ANKRD28: variants seen among roughly 807,000 people sequenced by gnomAD.
ANKRD28 encodes ankyrin repeat domain 28.
ANKRD28 carries 44 observed loss-of-function variants against 126.5 expected under a neutral mutation model. That is an observed-to-expected ratio of 0.35 (90% CI 0.27 to 0.45). The LOEUF (loss-of-function observed/expected upper bound fraction) is 0.45, where lower values mean the gene tolerates loss of function less well. Among genes scored for constraint, ANKRD28 ranks in the 20% least tolerant of loss-of-function variants. The pLI is 1.00. For synonymous variants in ANKRD28, 442 were observed against 468.5 expected (o/e 0.94, Z 0.73); for missense variants, 1,110 against 1,316.6 (o/e 0.84, Z 2.43).
intron 4 of ANKRD28, among the ~76,000 whole-genome samples, chr3:15,745,894 T>C (rs1009515213): frequency 1.3e-5 from 2 of 152,174 alleles, no homozygotes; most frequent in African/African-American, 4.8e-5. Context: ...AGCCCTGTTT[T>C]GTAGTTTTCC....
chr3:15,678,741 C>G (rs1378209091), intron 23 of ANKRD28, among the ~76,000 whole-genome samples: 1 of 152,024 alleles, frequency 6.6e-6, no homozygotes, highest in Non-Finnish European at 1.5e-5. Context: ...TAACAATAAT[C>G]TTTGGGAAAC....
chr3:15,760,380 G>A (rs2058391565), intron 3 of ANKRD28, among the ~76,000 whole-genome samples: 1 of 152,184 alleles, frequency 6.6e-6, no homozygotes, highest in South Asian at 2.1e-4. Flanking sequence ...ACCTGTGCAT[G>A]TACTCCTGAA....
chr3:15,782,619 T>C lies in ANKRD28; in HGVS notation c.201+12604A>G, dbSNP rs118094668. 4.2e-3 allele frequency among the ~76,000 whole-genome samples: 640 copies of C among 152,180 alleles called. 3 individuals are homozygous for C. Among genetic ancestry groups the C allele is most frequent in the East Asian group, 0.025 (130 of 5,182 alleles). ...TTAGAGGTTACACACATACTGAGTG[T>C]TCAGGGAAAAATGCCATACTCACTA... On this transcript the variant is annotated intron_variant, in intron 2 of 27. Coordinates refer to ENST00000683139, the MANE Select transcript of ANKRD28 (RefSeq NM_001349278.2).
chr3:15,792,320 G>A (rs1168394643), intron 2 of ANKRD28, among the ~76,000 whole-genome samples: 2 of 152,150 alleles, frequency 1.3e-5, no homozygotes, highest in Non-Finnish European at 2.9e-5. Context: ...GGCAACCTAA[G>A]TGTCCATCAA....
chr3:15,804,401 C>T (rs1379382521), intron 1 of ANKRD28, among the ~76,000 whole-genome samples: 2 of 145,496 alleles, frequency 1.4e-5, no homozygotes, highest in African/African-American at 2.6e-5. Flanking sequence ...TCTCCATAAA[C>T]CTCATTATTT....
chr3:15,697,324 A>G (rs2069758586), intron 14 of ANKRD28: 1 of 152,692 alleles, frequency 6.5e-6, no homozygotes, highest in Non-Finnish European at 1.5e-5. Context: ...TCTTTTATCC[A>G]TCATATTTTA....
chr3:15,763,946 G>A (rs2058619106), intron 3 of ANKRD28, among the ~76,000 whole-genome samples: 1 of 152,016 alleles, frequency 6.6e-6, no homozygotes, highest in Admixed American at 6.6e-5. Flanking sequence ...CTTTTTGGCT[G>A]GGCACAGTGC....
chr3:15,751,609 C>T, intron 4 of ANKRD28, 141 bp downstream of exon 4: 1 of 646,862 alleles, frequency 1.5e-6, no homozygotes, highest in Non-Finnish European at 2.7e-6. Flanking sequence ...TTGGTTTGTA[C>T]AAATTCTAAA....
At chr3:15,750,636 A>G (rs1443013400) in intron 4 of ANKRD28, among the ~76,000 whole-genome samples, 1 of 152,164 alleles carries the variant, frequency 6.6e-6, no homozygotes. Context: ...CTTCTCAGTC[A>G]CATTTCACCT....
At chr3:15,824,476 T>C (rs2061016287) in intron 1 of ANKRD28, among the ~76,000 whole-genome samples, 1 of 152,138 alleles carries the variant, frequency 6.6e-6, no homozygotes, top group African/African-American at 2.4e-5. Flanking sequence ...AAAAACAAAC[T>C]ATCAGAGCTA....
chr3:15,850,258 G>GAGAGAGAA (rs1384999941), intron 1 of ANKRD28, among the ~76,000 whole-genome samples: 1,424 of 126,802 alleles, frequency 0.011, 32 homozygotes, highest in East Asian at 0.057. Context: ...GAGAGAGAGA[G>GAGAGAGAA]AGAGAAAGTT....
chr3:15,758,741 T>C (rs1451120567), intron 3 of ANKRD28, among the ~76,000 whole-genome samples: 5 of 152,180 alleles, frequency 3.3e-5, no homozygotes, highest in South Asian at 4.1e-4. Flanking sequence ...TAAATTTCTA[T>C]TGTTTAAGCC....
intron 1 of ANKRD28, among the ~76,000 whole-genome samples, chr3:15,819,147 G>A (rs754327212): frequency 4.6e-5 from 7 of 152,016 alleles, no homozygotes; most frequent in Admixed American, 2.6e-4. Flanking sequence ...GCATGATGGC[G>A]TCCACCTGTA....
intron 3 of ANKRD28, among the ~76,000 whole-genome samples, chr3:15,760,487 G>A (rs766366631): frequency 2.0e-5 from 3 of 152,096 alleles, no homozygotes; most frequent in African/African-American, 4.8e-5. Flanking sequence ...CATATTCCTC[G>A]AAGATACGTA....
chr3:15,710,511 G>A (rs1310991502), intron 12 of ANKRD28, among the ~76,000 whole-genome samples: 1 of 151,046 alleles, frequency 6.6e-6, no homozygotes, highest in African/African-American at 2.5e-5. Context: ...CTGTGCTGGT[G>A]TACTCTTGGT....
chr3:15,817,220 A>T lies in ANKRD28; in HGVS notation c.28-21914T>A, dbSNP rs887260371. ...GATGAACAATTTCTCACGCACAAACATTTCACATACTGATGATTTTATCTT... is the reference window on the plus strand; with the variant it reads ...GATGAACAATTTCTCACGCACAAACTTTTCACATACTGATGATTTTATCTT... On this transcript the variant is annotated intron_variant, in intron 1 of 27. Coordinates refer to the ANKRD28 transcript ENST00000399451. This position sits in a 1 kb window ranked among gnomAD's most constrained non-coding sequence, Gnocchi z 4.5. Among the ~76,000 whole-genome samples, 4 of 151,802 alleles carry T rather than the reference A, an allele frequency of 2.6e-5. No individual in the cohort carries two copies. Among genetic ancestry groups the T allele is most frequent in the African/African-American group, 9.7e-5 (4 of 41,332 alleles).
chr3:15,774,945 C>T (rs886918062), intron 2 of ANKRD28, among the ~76,000 whole-genome samples: 1 of 126,340 alleles, frequency 7.9e-6, no homozygotes, highest in Non-Finnish European at 1.6e-5. Context: ...AGCACAATCT[C>T]GGCTCACTGC....
chr3:15,822,306 T>C (rs1575770058), intron 1 of ANKRD28, among the ~76,000 whole-genome samples: 1 of 152,264 alleles, frequency 6.6e-6, no homozygotes, highest in South Asian at 2.1e-4. Context: ...GGGGAGTTGT[T>C]GGGGGGAGAT....
rs529079088 is a variant in ANKRD28, at chr3:15,734,067, T to C, written c.640+1343A>G. Among the ~76,000 whole-genome samples the C allele has an allele frequency of 2.6e-5, 4 of 152,360 alleles. No individual in the cohort carries two copies. The East Asian group carries it at 7.7e-4, about 29-fold the overall frequency. ...GTCCACTTATATATGGATTTTTTTC[T>C]ACCACATGTGGTTCAAAAATATAGT... is the stretch of plus-strand genomic sequence containing the variant. On this transcript the variant is annotated intron_variant, in intron 6 of 27. Transcript: ENST00000683139.
Sources: allele counts gnomAD v4.1 joint callset (sites outside exome capture counted in the v4.1 genomes callset), GRCh38; gene constraint gnomAD v4.1.1; non-coding constraint Gnocchi (gnomAD v3.1); transcripts MANE v1.5; gene names NCBI Gene and HGNC (gene_info 2026-07-23, HGNC 2026-07-21).